CCDC82: variants seen among roughly 807,000 people sequenced by gnomAD.
The protein encoded by CCDC82 is coiled-coil domain containing 82.
A neutral mutation model predicts 60.6 loss-of-function variants in CCDC82; 47 were observed. The observed-to-expected ratio is 0.77, with a 90% confidence interval of 0.61 to 0.99. The LOEUF is 0.99. Among genes scored for constraint, CCDC82 ranks in the 50% least tolerant of loss-of-function variants. CCDC82 has a pLI of 0.00. For missense variants in CCDC82, 588 were observed against 633.0 expected, an observed-to-expected ratio of 0.93 and a Z score of 0.76; for synonymous variants, 212 against 207.4, an observed-to-expected ratio of 1.02 and a Z score of -0.19.
At chr11:96,366,940 A>C (rs1864981262) in intron 7 of CCDC82, among the ~76,000 whole-genome samples, 1 of 152,246 alleles carries the variant, frequency 6.6e-6, no homozygotes, top group Admixed American at 6.5e-5. Context: ...CATAAAAGTT[A>C]TGTTTACACT....
intron 8 of CCDC82, among the ~76,000 whole-genome samples, chr11:96,360,523 C>A (rs968232038): frequency 6.6e-6 from 1 of 151,996 alleles, no homozygotes; most frequent in Non-Finnish European, 1.5e-5. Flanking sequence ...TCATTTTACC[C>A]ACTGTAGAAA....
At position 96,384,749 on chromosome 11, in the gene CCDC82, T is replaced by C; in HGVS notation, c.-2A>G. ...TTCATGTCTTCTAACATGTATCATT[T>C]TCACTTAAGCTTCTATAAAATAAAG... On this transcript the variant is annotated 5_prime_UTR_variant, in exon 4 of 10. Transcript: ENST00000646818. 1 of 1,580,596 alleles carries C rather than the reference T, an allele frequency of 6.3e-7. No individual in the cohort carries two copies. Among genetic ancestry groups the C allele is most frequent in the Non-Finnish European group, 8.6e-7 (1 of 1,167,194 alleles).
At chr11:96,383,649 TAAG>T (rs939772868) in intron 4 of CCDC82, among the ~76,000 whole-genome samples, 176 bp from the exon 5 acceptor site, 8 of 151,994 alleles carry the variant, frequency 5.3e-5, no homozygotes, top group African/African-American at 1.2e-4. Flanking sequence ...TTGAAATTAT[TAAG>T]AAGAATATAC....
intron 7 of CCDC82, among the ~76,000 whole-genome samples, chr11:96,365,497 T>C (rs1206884083): frequency 1.3e-5 from 2 of 152,152 alleles, no homozygotes; most frequent in Non-Finnish European, 2.9e-5. Context: ...TGTAGGATGA[T>C]ATAAGAAAAA....
At chr11:96,360,058 A>C (rs2136074327) in intron 8 of CCDC82, among the ~76,000 whole-genome samples, 1 of 149,984 alleles carries the variant, frequency 6.7e-6, no homozygotes, top group East Asian at 1.9e-4. Flanking sequence ...TTGTTATACA[A>C]AACTACAGCT....
chr11:96,375,335 A>G (rs1042149657), intron 5 of CCDC82, among the ~76,000 whole-genome samples: 3 of 152,188 alleles, frequency 2.0e-5, no homozygotes, highest in African/African-American at 7.2e-5. Context: ...AGGAAATTGA[A>G]AGGGCAGAGA....
chr11:96,380,453 G>A (rs774494677), intron 5 of CCDC82: 1 of 151,646 alleles, frequency 6.6e-6, no homozygotes, highest in Non-Finnish European at 1.5e-5. Context: ...GTATTAACAG[G>A]AAGCCTCAGT....
intron 7 of CCDC82, among the ~76,000 whole-genome samples, chr11:96,369,010 T>C (rs1865111823): frequency 1.3e-5 from 2 of 152,224 alleles, no homozygotes. Context: ...TGCTTCACCT[T>C]TGCACTTTTA....
At chr11:96,365,190 G>A in intron 7 of CCDC82, 40 bp from the exon 8 acceptor site, 1 of 1,304,390 alleles carries the variant, frequency 7.7e-7, no homozygotes, top group Non-Finnish European at 1.0e-6. Flanking sequence ...AAAAGATAAA[G>A]AATAAAAATA....
At chr11:96,367,816 A>G (rs1016423124) in intron 7 of CCDC82, among the ~76,000 whole-genome samples, 1 of 112,298 alleles carries the variant, frequency 8.9e-6, no homozygotes, top group Non-Finnish European at 1.9e-5. Context: ...TATGAAATGT[A>G]TTTCTTTTTT....
At chr11:96,388,723 T>C (rs1409600602) in intron 1 of CCDC82, 1 of 152,214 alleles carries the variant, frequency 6.6e-6, no homozygotes, top group Non-Finnish European at 1.5e-5. Flanking sequence ...AGGTGGTAGT[T>C]AACACTTTAC....
intron 8 of CCDC82, chr11:96,364,155 C>A (rs555569009): frequency 3.3e-5 from 5 of 152,126 alleles, no homozygotes; most frequent in African/African-American, 1.2e-4. Context: ...ATCACTTTTG[C>A]TAGGATTCCA....
Position 96,373,402 on chromosome 11 carries a change from C to G in CCDC82, c.1057G>C (p.Asp353His). Residue 353 changes from aspartate (D) to histidine (H), a missense_variant, in exon 6 of 10, where the codon GAT (aspartate) becomes CAT (histidine). Coordinates refer to ENST00000646818, the MANE Select transcript of CCDC82 (RefSeq NM_024725.4). ...VVKALLINAL[D>H]ESFLGTLYDG... ...TATAATGTTCCCAGAAAAGATTCATCTAAAGCGTTGATCAGAAGAGCCTTC... is the reference window on the plus strand; with the variant it reads ...TATAATGTTCCCAGAAAAGATTCATGTAAAGCGTTGATCAGAAGAGCCTTC... The G allele has an allele frequency of 6.2e-7, 1 of 1,607,866 alleles. No homozygotes were observed. Among genetic ancestry groups the G allele is most frequent in the Non-Finnish European group, 8.5e-7 (1 of 1,175,498 alleles).
chr11:96,374,679 G>A (rs1266021801), intron 5 of CCDC82, among the ~76,000 whole-genome samples: 2 of 151,948 alleles, frequency 1.3e-5, no homozygotes, highest in Admixed American at 6.6e-5. Context: ...CATGTCATAA[G>A]GGTCTGTTGT....
chr11:96,360,260 T>C (rs1016881101), intron 8 of CCDC82, among the ~76,000 whole-genome samples: 1 of 150,352 alleles, frequency 6.7e-6, no homozygotes, highest in Non-Finnish European at 1.5e-5. Context: ...TGGAGTGCAG[T>C]GGTGCAAGCT....
intron 5 of CCDC82, chr11:96,381,619 T>C (rs1046458711): frequency 2.0e-5 from 3 of 151,762 alleles, no homozygotes; most frequent in African/African-American, 7.2e-5. Context: ...ATAATAATAA[T>C]AATTTAAATA....
intron 5 of CCDC82, among the ~76,000 whole-genome samples, chr11:96,374,421 T>C (rs1200763664): frequency 6.6e-6 from 1 of 152,158 alleles, no homozygotes; most frequent in Admixed American, 6.5e-5. Context: ...ATAACTCTCT[T>C]TCAGACTTTA....
intron 5 of CCDC82, among the ~76,000 whole-genome samples, chr11:96,375,644 G>C (rs1865531313): frequency 6.6e-6 from 1 of 152,162 alleles, no homozygotes; most frequent in African/African-American, 2.4e-5. Context: ...CTGAAATATA[G>C]AGAGGATGAA....
At chr11:96,358,610 A>G in intron 9 of CCDC82, 1 of 1,237,172 alleles carries the variant, frequency 8.1e-7, no homozygotes, top group Non-Finnish European at 1.0e-6. Context: ...CTCAGGTCAC[A>G]AGAACTGTTC....
Sources: allele counts gnomAD v4.1 joint callset (sites outside exome capture counted in the v4.1 genomes callset), GRCh38; gene constraint gnomAD v4.1.1; transcripts MANE v1.5; gene names NCBI Gene and HGNC (gene_info 2026-07-23, HGNC 2026-07-21).